The following UBAP1 variants were observed in gnomAD, a reference collection of about 807,000 sequenced individuals.
UBAP1 encodes ubiquitin associated protein 1.
In UBAP1, 5 loss-of-function variants were observed where a neutral mutation model predicts 39.0. The ratio of observed to expected loss-of-function variants is 0.13; its 90% CI spans 0.07 to 0.27. The LOEUF (loss-of-function observed/expected upper bound fraction) is 0.27. Ranked by LOEUF, UBAP1 falls within the 10% of genes least tolerant of loss-of-function variation. The pLI is 1.00. For missense variants in UBAP1, 490 were observed against 608.1 expected, an observed-to-expected ratio of 0.81 and a Z score of 2.04; for synonymous variants, 211 against 225.1, an observed-to-expected ratio of 0.94 and a Z score of 0.56.
chr9:34,219,712 C>CT (rs1832558749), intron 1 of UBAP1, among the ~76,000 whole-genome samples: 1 of 86,682 alleles, frequency 1.2e-5, no homozygotes, highest in Non-Finnish European at 2.5e-5. Context: ...TCTCCTCTCC[C>CT]CTCCCTTCCC....
At chr9:34,191,222 A>G (rs1830702088) in intron 1 of UBAP1, among the ~76,000 whole-genome samples, 1 of 152,154 alleles carries the variant, frequency 6.6e-6, no homozygotes, top group Non-Finnish European at 1.5e-5. Context: ...ATGTATTATT[A>G]AAATGTAGAT....
At chr9:34,207,533 GTTTTC>G (rs553750358) in intron 1 of UBAP1, among the ~76,000 whole-genome samples, 2 of 151,700 alleles carry the variant, frequency 1.3e-5, no homozygotes, top group Non-Finnish European at 2.9e-5. Flanking sequence ...AATTGTCTAA[GTTTTC>G]TTTTGTGTCT....
chr9:34,214,334 T>C (rs1447048159), intron 1 of UBAP1, among the ~76,000 whole-genome samples: 1 of 152,052 alleles, frequency 6.6e-6, no homozygotes, highest in African/African-American at 2.4e-5. Context: ...CACAGACCAA[T>C]GGAACAGAAT....
At chr9:34,248,778 A>G (rs1172684623) in intron 4 of UBAP1, among the ~76,000 whole-genome samples, 1 of 152,184 alleles carries the variant, frequency 6.6e-6, no homozygotes, top group Non-Finnish European at 1.5e-5. Flanking sequence ...TGCTTCTAGG[A>G]CAGAGGGCTT....
At chr9:34,250,427 A>G (rs773215131) in intron 5 of UBAP1, among the ~76,000 whole-genome samples, 1 of 151,998 alleles carries the variant, frequency 6.6e-6, no homozygotes, top group Middle Eastern at 3.4e-3. Flanking sequence ...TGTGGCTGCA[A>G]CTCCTTTGGA....
At chr9:34,186,671 A>G (rs1201180133) in intron 1 of UBAP1, among the ~76,000 whole-genome samples, 1 of 151,812 alleles carries the variant, frequency 6.6e-6, no homozygotes, top group Non-Finnish European at 1.5e-5. Flanking sequence ...TGCGAAGTGT[A>G]TATTCAATTT....
intron 2 of UBAP1, among the ~76,000 whole-genome samples, chr9:34,225,832 T>G (rs1333766145): frequency 6.6e-6 from 1 of 151,608 alleles, no homozygotes; most frequent in East Asian, 1.9e-4. Context: ...CTTTCACTGA[T>G]TCTTATTTTC....
chr9:34,220,878 G>A (rs542984177), intron 1 of UBAP1, 30 bp from the exon 2 acceptor site: 2 of 1,608,306 alleles, frequency 1.2e-6, no homozygotes, highest in Non-Finnish European at 1.7e-6. Context: ...AAGGTATAAT[G>A]TGCCTAAGAA....
rs1043231766 is a variant in UBAP1 at position 34,233,226 on chromosome 9, T to TG, written c.35-990_35-989insG. 9.0e-3 allele frequency among the ~76,000 whole-genome samples: 118 copies of TG among 13,066 alleles called. 1 individual carries two copies. The highest frequency in any genetic ancestry group is 0.014 in the Admixed American group (10 of 718). 8.6% of individuals were successfully genotyped at this position (13,066 alleles called of 152,430 possible). A position where few individuals can be genotyped will look rare whatever the true frequency, so the allele number is the denominator to read the frequency against. ...TAAGCTAGAGTAATTCTTTCTCTTC[T>TG]TTTTTTTTTTTTTGAGACAGAGTCT... On this transcript the variant is annotated intron_variant, in intron 2 of 6. Coordinates refer to ENST00000297661, the MANE Select transcript of UBAP1 (RefSeq NM_016525.5).
At chr9:34,223,964 G>T in intron 2 of UBAP1, 1 of 385,088 alleles carries the variant, frequency 2.6e-6, no homozygotes, top group East Asian at 4.5e-5. Context: ...TCATTACATG[G>T]GTGAAGACAA....
At chr9:34,196,004 C>T in intron 1 of UBAP1, among the ~76,000 whole-genome samples, 1 of 120,560 alleles carries the variant, frequency 8.3e-6, no homozygotes, top group Non-Finnish European at 1.6e-5. Flanking sequence ...TGGCCTCCAA[C>T]TTTTGGGCTC....
At chr9:34,219,026 T>C (rs1244971880) in intron 1 of UBAP1, among the ~76,000 whole-genome samples, 9 of 152,154 alleles carry the variant, frequency 5.9e-5, no homozygotes, top group Admixed American at 5.9e-4. Context: ...AATTTAATTC[T>C]CCATGAACTA....
intron 5 of UBAP1, among the ~76,000 whole-genome samples, chr9:34,250,255 A>G (rs1172830726): frequency 2.0e-5 from 3 of 152,180 alleles, no homozygotes; most frequent in African/African-American, 7.2e-5. Context: ...GGTATGGTCA[A>G]ATGTCTCTTT....
intron 6 of UBAP1, 38 bp from the exon 7 acceptor site, chr9:34,251,353 CA>C: frequency 1.9e-6 from 3 of 1,610,432 alleles, no homozygotes; most frequent in Non-Finnish European, 2.5e-6. Context: ...GCTGTGACCC[CA>C]CCCTTTTCTT....
chr9:34,226,311 C>A (rs1195924132), intron 2 of UBAP1, among the ~76,000 whole-genome samples: 1 of 150,034 alleles, frequency 6.7e-6, no homozygotes, highest in African/African-American at 2.5e-5. Context: ...CTCACTGCAA[C>A]CTCTGCCTCC....
At position 34,252,401 on chromosome 9, in the gene UBAP1, G is replaced by A. The variant is rs868586371; in HGVS notation, c.*869G>A. 1 of 152,548 alleles carries A rather than the reference G, an allele frequency of 6.6e-6. No homozygotes were observed. Among genetic ancestry groups the A allele is most frequent in the African/African-American group, 2.4e-5 (1 of 41,410 alleles). 9.4% of individuals were successfully genotyped at this position (152,548 alleles called of 1,614,324 possible). ...GAAATCAGTCTCTCTGGTTTGTTTT[G>A]TATTATGTTGTACATCATTAAAGAT... On this transcript the variant is annotated 3_prime_UTR_variant, in exon 7 of 7. Transcript: ENST00000297661.
chr9:34,247,806 T>TG (rs1182454164), intron 4 of UBAP1, among the ~76,000 whole-genome samples: 1 of 152,234 alleles, frequency 6.6e-6, no homozygotes, highest in Non-Finnish European at 1.5e-5. Context: ...GCTGGATATT[T>TG]GGTAGGTTGT....
chr9:34,223,384 G>A (rs1832863381), intron 2 of UBAP1, among the ~76,000 whole-genome samples: 1 of 151,380 alleles, frequency 6.6e-6, no homozygotes, highest in Non-Finnish European at 1.5e-5. Flanking sequence ...GAACTGAGAT[G>A]GTGCCAATGC....
At chr9:34,205,151 G>A (rs1472422486) in intron 1 of UBAP1, among the ~76,000 whole-genome samples, 3 of 151,956 alleles carry the variant, frequency 2.0e-5, no homozygotes, top group Non-Finnish European at 4.4e-5. Context: ...TGAGTAGCTG[G>A]GACTACAGGT....
Sources: allele counts gnomAD v4.1 joint callset (sites outside exome capture counted in the v4.1 genomes callset), GRCh38; gene constraint gnomAD v4.1.1; transcripts MANE v1.5; gene names NCBI Gene and HGNC (gene_info 2026-07-23, HGNC 2026-07-21).